SCUBE1: variants seen among roughly 807,000 people sequenced by gnomAD.
SCUBE1 encodes signal peptide, CUB and EGF-like domain-containing protein 1.
A neutral mutation model predicts 124.4 loss-of-function variants in SCUBE1; 59 were observed. The ratio of observed to expected loss-of-function variants is 0.47; its 90% CI spans 0.38 to 0.59. SCUBE1 has a LOEUF of 0.59. SCUBE1 is among the 20% of genes least tolerant of loss of function. The pLI is 0.00. For missense variants in SCUBE1, 1,150 were observed against 1,371.2 expected, an observed-to-expected ratio of 0.84 and a Z score of 2.55; for synonymous variants, 545 against 550.9, an observed-to-expected ratio of 0.99 and a Z score of 0.15.
intron 10 of SCUBE1, among the ~76,000 whole-genome samples, chr22:43,224,132 C>T (rs1157747093): frequency 6.6e-6 from 1 of 152,206 alleles, no homozygotes; most frequent in Non-Finnish European, 1.5e-5. Flanking sequence ...CTGGAGGTTC[C>T]TCCAAGATTG....
Position 43,262,855 on chromosome 22 carries a change from G to C in SCUBE1, c.485-10C>G, listed in dbSNP as rs1026803481. On this transcript the variant is annotated splice_polypyrimidine_tract_variant and intron_variant, in intron 4 of 21. Coordinates refer to ENST00000360835, the MANE Select transcript of SCUBE1 (RefSeq NM_173050.5). ...ATGCAGTTCATACCCTCTGGGAAGA[G>C]AGACAGACAAGAGACGGGTTGAAGA... The C allele has an allele frequency of 1.4e-5, 23 of 1,606,894 alleles. No homozygotes were observed. Among genetic ancestry groups the C allele is most frequent in the Non-Finnish European group, 1.8e-5 (21 of 1,174,068 alleles).
At chr22:43,245,841 A>T (rs1181267190) in intron 6 of SCUBE1, among the ~76,000 whole-genome samples, 1 of 152,218 alleles carries the variant, frequency 6.6e-6, no homozygotes, top group Non-Finnish European at 1.5e-5. Context: ...TGTCAGTGGC[A>T]CTGTCTTCCA....
chr22:43,338,680 C>A (rs1349006226), intron 2 of SCUBE1, among the ~76,000 whole-genome samples: 1 of 152,086 alleles, frequency 6.6e-6, no homozygotes, highest in East Asian at 1.9e-4. Flanking sequence ...CATGCACCAC[C>A]ACGCTCGGCT....
intron 21 of SCUBE1, among the ~76,000 whole-genome samples, chr22:43,204,362 G>A (rs900760258): frequency 3.9e-5 from 6 of 151,916 alleles, no homozygotes; most frequent in African/African-American, 1.2e-4. Flanking sequence ...GTGCAGTGGC[G>A]GGATCTTGGG....
chr22:43,207,513 C>T, intron 21 of SCUBE1, 21 bp downstream of exon 21: 1 of 1,595,656 alleles, frequency 6.3e-7, no homozygotes, highest in South Asian at 1.1e-5. Context: ...ACGTGGATTC[C>T]CTTCCAATAA....
chr22:43,307,007 T>A (rs550037951), intron 3 of SCUBE1, among the ~76,000 whole-genome samples: 4 of 152,278 alleles, frequency 2.6e-5, no homozygotes, highest in Admixed American at 2.6e-4. Context: ...CTCCTGAGGG[T>A]CAGAATCCAA....
At chr22:43,303,595 C>T (rs967815846) in intron 3 of SCUBE1, among the ~76,000 whole-genome samples, 1 of 152,256 alleles carries the variant, frequency 6.6e-6, no homozygotes, top group South Asian at 2.1e-4. Context: ...AGGGGGCACT[C>T]GCTTGGCTGA....
chr22:43,204,028 T>C lies in SCUBE1; in HGVS notation c.2936A>G (p.Lys979Arg). 2 of 1,614,146 alleles carry C rather than the reference T, an allele frequency of 1.2e-6. No individual in the cohort carries two copies. Among genetic ancestry groups the C allele is most frequent in the Non-Finnish European group, 1.7e-6 (2 of 1,180,006 alleles). The change falls in exon 22 of 22, where the codon AAA becomes AGA. Residue 979 changes from lysine to arginine, a missense_variant. Physicochemically the swap from Lys to Arg is conservative, Grantham distance 26. Around this residue, in one of 3 missense-constraint regions of SCUBE1, gnomAD observed 757 missense variants for 840.9 expected, o/e 0.90. Coordinates refer to ENST00000360835, the MANE Select transcript of SCUBE1 (RefSeq NM_173050.5). ...GTAGGGCCGCAGGAACCGAGACACTTTGGAGCGCAGCAGTTTGATGAAGGA... is the reference window on the plus strand; with the variant it reads ...GTAGGGCCGCAGGAACCGAGACACTCTGGAGCGCAGCAGTTTGATGAAGGA... ...PRSFIKLLRS[K>R]VSRFLRPYK is the part of the protein sequence containing the mutation.
At chr22:43,323,274 C>T (rs1347269618) in intron 2 of SCUBE1, among the ~76,000 whole-genome samples, 1 of 152,116 alleles carries the variant, frequency 6.6e-6, no homozygotes, top group Non-Finnish European at 1.5e-5. Context: ...ACCCAAATAA[C>T]CAGCCAGCCA....
intron 4 of SCUBE1, among the ~76,000 whole-genome samples, chr22:43,265,511 G>A (rs993610369): frequency 2.0e-5 from 3 of 152,172 alleles, no homozygotes; most frequent in African/African-American, 7.2e-5. Flanking sequence ...GTAGAACTGA[G>A]GTCCTGTGAT....
intron 2 of SCUBE1, among the ~76,000 whole-genome samples, chr22:43,320,896 C>T (rs560831642): frequency 7.9e-5 from 12 of 152,340 alleles, no homozygotes; most frequent in East Asian, 3.9e-4. Flanking sequence ...GGCCTAACCC[C>T]GGTCACACCT....
At chr22:43,336,275 C>T (rs1927077403) in intron 2 of SCUBE1, among the ~76,000 whole-genome samples, 1 of 152,100 alleles carries the variant, frequency 6.6e-6, no homozygotes, top group Admixed American at 6.6e-5. Flanking sequence ...TCGAAGAGAC[C>T]AGCCTTGTCT....
chr22:43,250,098 T>G (rs1442261561), intron 6 of SCUBE1, among the ~76,000 whole-genome samples: 1 of 152,218 alleles, frequency 6.6e-6, no homozygotes, highest in Non-Finnish European at 1.5e-5. Flanking sequence ...CGATCACCAT[T>G]TTACAGCTGA....
In SCUBE1 at chr22:43,238,575, ACAT is replaced by A. The variant is rs915900083; in HGVS notation, c.844+260_844+262del. On this transcript the variant is annotated intron_variant, in intron 7 of 21. Transcript: ENST00000360835. Reference sequence around the variant, plus strand: ...ACCCAGCGTGCAGCCAAATTCTCTGACATCAGTGCCTTTTTGGCCCAGGAACCT... The same window carrying A: ...ACCCAGCGTGCAGCCAAATTCTCTGACAGTGCCTTTTTGGCCCAGGAACCT... The A allele has an allele frequency of 1.8e-5, 11 of 604,218 alleles. No individual in the cohort carries two copies. The Admixed American group carries it at 3.1e-4, about 17-fold the overall frequency. The allele number at this position is 604,218 out of a possible 1,614,324, so 37.4% of individuals were successfully genotyped here. A position where few individuals can be genotyped will look rare whatever the true frequency, so the allele number is the denominator to read the frequency against.
intron 7 of SCUBE1, chr22:43,232,215 C>G (rs149980318): frequency 3.5e-4 from 89 of 255,032 alleles, no homozygotes; most frequent in African/African-American, 1.9e-3. Flanking sequence ...CCCATGTCCT[C>G]TCTTCTGCAG....
rs535438817 is a variant in SCUBE1 at position 43,217,715 on chromosome 22, G to A, written c.1891+540C>T. On this transcript the variant is annotated intron_variant, in intron 15 of 21. Transcript: ENST00000360835. ...GCTCCACTAGAACTAGGACTGTCTC[G>A]TGTGCTGGTTCTGCCTGTCCTGCGT... Among the ~76,000 whole-genome samples the A allele has an allele frequency of 5.6e-4, 85 of 152,228 alleles. 1 individual carries two copies. Among genetic ancestry groups the A allele is most frequent in the South Asian group, 1.7e-3 (8 of 4,826 alleles).
chr22:43,204,545 C>G (rs1399941436), intron 21 of SCUBE1, among the ~76,000 whole-genome samples: 2 of 152,002 alleles, frequency 1.3e-5, no homozygotes, highest in Non-Finnish European at 2.9e-5. Flanking sequence ...GTGATCCACC[C>G]ACCTCGGCCT....
chr22:43,270,264 T>A (rs555920609), intron 4 of SCUBE1: 84 of 152,374 alleles, frequency 5.5e-4, no homozygotes, highest in African/African-American at 2.0e-3. Context: ...ACAAGCTACT[T>A]CATTATGTAT....
At chr22:43,223,611 G>T (rs1453526794) in intron 10 of SCUBE1, among the ~76,000 whole-genome samples, 2 of 152,202 alleles carry the variant, frequency 1.3e-5, no homozygotes, top group Non-Finnish European at 2.9e-5. Context: ...CCTCTTTGGG[G>T]CAGCCTCTGC....
Sources: gnomAD v4.1 joint callset for allele counts (sites outside exome capture counted in the v4.1 genomes callset) on GRCh38, gnomAD v4.1.1 for gene constraint, gnomAD v4.1.1 regional missense constraint, MANE v1.5 for transcripts, NCBI Gene and HGNC (gene_info 2026-07-23, HGNC 2026-07-21) for gene names.